DAB1: variants seen among roughly 807,000 people sequenced by gnomAD.
DAB1 encodes the protein disabled homolog 1.
In DAB1, 15 loss-of-function variants were observed where a neutral mutation model predicts 64.6. That is an observed-to-expected ratio of 0.23 (90% CI 0.16 to 0.36). DAB1 has a LOEUF of 0.36. DAB1 is among the 10% of genes least tolerant of loss of function. The pLI is 1.00. For synonymous variants in DAB1, 235 were observed against 251.9 expected, an observed-to-expected ratio of 0.93 and a Z score of 0.64; for missense variants, 596 against 706.7, an observed-to-expected ratio of 0.84 and a Z score of 1.78.
chr1:57,390,397 A>C (rs1298806956), intron 1 of DAB1, among the ~76,000 whole-genome samples: 1 of 152,212 alleles, frequency 6.6e-6, no homozygotes, highest in African/African-American at 2.4e-5. Context: ...TGTCTACGAA[A>C]ATATTTTGCA....
intron 2 of DAB1, among the ~76,000 whole-genome samples, chr1:57,275,364 C>T (rs1671375966): frequency 1.3e-5 from 2 of 152,104 alleles, no homozygotes; most frequent in East Asian, 1.9e-4. Flanking sequence ...ACAGAGAGGG[C>T]GGCAGTAGAA....
chr1:57,221,697 C>T (rs964091710), intron 2 of DAB1, among the ~76,000 whole-genome samples: 1 of 152,120 alleles, frequency 6.6e-6, no homozygotes, highest in Non-Finnish European at 1.5e-5. Flanking sequence ...CAGTCACACT[C>T]TCCCTACTTT....
At chr1:57,988,428 T>C (rs1646275539) in intron 5 of DAB1, among the ~76,000 whole-genome samples, 1 of 152,194 alleles carries the variant, frequency 6.6e-6, no homozygotes, top group South Asian at 2.1e-4. Context: ...AGATTGGGGA[T>C]TCGAAGGTTT....
intron 9 of DAB1, among the ~76,000 whole-genome samples, chr1:57,035,833 C>CT (rs35389635): frequency 0.022 from 1,363 of 61,920 alleles, 462 homozygotes; most frequent in African/African-American, 0.049. Context: ...CGCACATGCA[C>CT]TTTTTTTTTT....
intron 7 of DAB1, chr1:57,606,000 AG>A: frequency 1.5e-6 from 1 of 665,552 alleles, no homozygotes. Context: ...CTTCACCACA[AG>A]GAGTTTTTCT....
chr1:57,619,953 T>C (rs1645836114), intron 7 of DAB1, among the ~76,000 whole-genome samples: 1 of 152,108 alleles, frequency 6.6e-6, no homozygotes. Flanking sequence ...TGCTAGAGAC[T>C]GTCAAGGCAC....
chr1:57,922,737 T>C (rs904595803), intron 5 of DAB1, among the ~76,000 whole-genome samples: 1 of 149,348 alleles, frequency 6.7e-6, no homozygotes, highest in Admixed American at 6.8e-5. Flanking sequence ...TCCCAGCTAC[T>C]CGGGAAGCTG....
chr1:57,275,391 T>C (rs1239421289), intron 2 of DAB1, among the ~76,000 whole-genome samples: 1 of 152,176 alleles, frequency 6.6e-6, no homozygotes, highest in East Asian at 1.9e-4. Context: ...GAAGAGAATA[T>C]AAATCTACCA....
At chr1:57,097,581 A>G (rs1654280408) in intron 4 of DAB1, among the ~76,000 whole-genome samples, 2 of 152,172 alleles carry the variant, frequency 1.3e-5, no homozygotes, top group South Asian at 4.1e-4. Flanking sequence ...TGTCTCTTCC[A>G]TACTTGGAGA....
chr1:57,602,578 G>A (rs1380876344), intron 7 of DAB1, among the ~76,000 whole-genome samples: 1 of 152,176 alleles, frequency 6.6e-6, no homozygotes, highest in Non-Finnish European at 1.5e-5. Flanking sequence ...ATTTTGGTTA[G>A]CTTAAATGGA....
intron 6 of DAB1, among the ~76,000 whole-genome samples, chr1:57,771,106 C>G (rs1280428162): frequency 6.6e-6 from 1 of 152,154 alleles, no homozygotes; most frequent in African/African-American, 2.4e-5. Context: ...ATGTACATGC[C>G]CCATACCTGG....
At chr1:57,156,809 A>T (rs1660266284) in intron 2 of DAB1, among the ~76,000 whole-genome samples, 1 of 152,184 alleles carries the variant, frequency 6.6e-6, no homozygotes, top group Non-Finnish European at 1.5e-5. Flanking sequence ...TCTCCTCTGA[A>T]TTTAAATCCA....
chr1:57,610,647 C>G (rs1265726809), intron 7 of DAB1, among the ~76,000 whole-genome samples: 2 of 152,188 alleles, frequency 1.3e-5, no homozygotes, highest in African/African-American at 4.8e-5. Flanking sequence ...AACTTACAAT[C>G]ATGGCAGAAG....
Position 58,219,025 on chromosome 1 carries a change from C to CTCTCTCTCTCTCTCTCTCTG in DAB1, n.310-68438_310-68437insCAGAGAGAGAGAGAGAGAGA, listed in dbSNP as rs376130413. ...TCTCTCTCTCTCTCTCTCTCTCTCT[C>CTCTCTCTCTCTCTCTCTCTG]TGTGTGTGTGTGTGTGTGTTTCAAT... On this transcript the variant is annotated intron_variant and non_coding_transcript_variant, in intron 4 of 20. Coordinates refer to the DAB1 transcript ENST00000485760. 3.5e-3 allele frequency among the ~76,000 whole-genome samples: 447 copies of CTCTCTCTCTCTCTCTCTCTG among 129,504 alleles called. 4 individuals are homozygous for CTCTCTCTCTCTCTCTCTCTG. Among genetic ancestry groups the CTCTCTCTCTCTCTCTCTCTG allele is most frequent in the East Asian group, 0.018 (75 of 4,136 alleles). The allele number at this position is 129,504 out of a possible 152,430, so 85.0% of individuals were successfully genotyped here.
At chr1:57,886,051 G>C (rs1447354800), upstream of DAB1, among the ~76,000 whole-genome samples, 2 of 151,962 alleles carry the variant, frequency 1.3e-5, no homozygotes, top group African/African-American at 4.8e-5. Context: ...TTTCCAGTCA[G>C]CTTTCATCTC....
chr1:57,432,339 T>C (rs1685548187), intron 7 of DAB1, among the ~76,000 whole-genome samples: 2 of 152,134 alleles, frequency 1.3e-5, no homozygotes, highest in South Asian at 4.1e-4. Flanking sequence ...GGTAATTTTT[T>C]TTTTTCTATT....
intron 5 of DAB1, among the ~76,000 whole-genome samples, chr1:58,070,032 G>GAGA (rs1649135939): frequency 6.6e-6 from 1 of 152,214 alleles, no homozygotes; most frequent in Non-Finnish European, 1.5e-5. Flanking sequence ...GCAGCATGGA[G>GAGA]AGAAGCTCAT....
intron 1 of DAB1, among the ~76,000 whole-genome samples, chr1:57,348,736 T>C (rs1484288575): frequency 6.6e-6 from 1 of 152,138 alleles, no homozygotes. Context: ...AACTACCTTC[T>C]GCCTGACTCT....
intron 7 of DAB1, among the ~76,000 whole-genome samples, chr1:57,633,799 A>C (rs983681044): frequency 7.2e-5 from 11 of 152,224 alleles, no homozygotes; most frequent in Admixed American, 6.5e-5. Flanking sequence ...AGTGAAACAC[A>C]CGTACATTTT....
Sources: allele counts gnomAD v4.1 joint callset (sites outside exome capture counted in the v4.1 genomes callset), GRCh38; gene constraint gnomAD v4.1.1; transcripts MANE v1.5; gene names NCBI Gene and HGNC (gene_info 2026-07-23, HGNC 2026-07-21).